Variants in LIN54 observed in about 807,000 individuals in gnomAD.
LIN54 encodes the protein lin-54 DREAM MuvB core complex component, also known as protein lin-54 homolog.
Under a neutral mutation model 78.7 loss-of-function variants are expected in LIN54, and 9 were observed. The observed-to-expected ratio is 0.11, with a 90% CI of 0.07 to 0.20. The LOEUF (loss-of-function observed/expected upper bound fraction) is 0.20. LIN54 is among the 10% of genes least tolerant of loss of function. LIN54 has a pLI of 1.00. For missense variants in LIN54, 573 were observed against 889.9 expected, an observed-to-expected ratio of 0.64 and a Z score of 4.53; for synonymous variants, 269 against 318.4, an observed-to-expected ratio of 0.84 and a Z score of 1.65.
In LIN54 at chr4:82,985,683, G is replaced by T. The variant is rs192132684; in HGVS notation, c.-32-807C>A. ...AGCCTCCTGAGTAGCTGGAATTACAGGCGCCTGCCACCAAGCCGGGCTAAT... is the reference window on the plus strand; with the variant it reads ...AGCCTCCTGAGTAGCTGGAATTACATGCGCCTGCCACCAAGCCGGGCTAAT... On this transcript the variant is annotated intron_variant, in intron 1 of 12. Transcript: ENST00000340417. Among the ~76,000 whole-genome samples the T allele has an allele frequency of 6.9e-3, 1,054 of 152,324 alleles. 20 individuals are homozygous for T. The highest frequency in any genetic ancestry group is 0.024 in the African/African-American group (1,010 of 41,562).
chr4:82,979,870 A>T (rs1283305697), intron 2 of LIN54, among the ~76,000 whole-genome samples: 2 of 138,326 alleles, frequency 1.4e-5, no homozygotes, highest in Non-Finnish European at 3.1e-5. Flanking sequence ...CCGGGAGCAG[A>T]GGTTGCAGGG....
intron 12 of LIN54, among the ~76,000 whole-genome samples, chr4:82,929,926 T>C (rs1483762303): frequency 7.2e-5 from 11 of 152,194 alleles, no homozygotes; most frequent in Non-Finnish European, 1.0e-4. Context: ...GAGACGGAGT[T>C]TGCTCTTGTT....
At chr4:82,946,121 C>T in intron 5 of LIN54, 137 bp downstream of exon 5, 1 of 705,758 alleles carries the variant, frequency 1.4e-6, no homozygotes. Flanking sequence ...CATTCTATTT[C>T]ACTGCCTTCT....
At chr4:83,006,188 G>A (rs1307998703) in intron 1 of LIN54, among the ~76,000 whole-genome samples, 1 of 152,130 alleles carries the variant, frequency 6.6e-6, no homozygotes, top group African/African-American at 2.4e-5. Context: ...AGTGGCTCAC[G>A]CCTGTAATCC....
At chr4:82,989,107 G>C (rs1391470164) in intron 1 of LIN54, among the ~76,000 whole-genome samples, 2 of 151,846 alleles carry the variant, frequency 1.3e-5, no homozygotes, top group Non-Finnish European at 2.9e-5. Flanking sequence ...AAAATGGCGT[G>C]AACCCGGGAG....
At chr4:82,931,387 C>T (rs1721941262) in intron 11 of LIN54, among the ~76,000 whole-genome samples, 1 of 152,168 alleles carries the variant, frequency 6.6e-6, no homozygotes, top group Admixed American at 6.5e-5. Context: ...TTTTCCCCCA[C>T]TATGAATATA....
chr4:82,933,346 C>T (rs1722121883), intron 11 of LIN54, among the ~76,000 whole-genome samples: 2 of 150,072 alleles, frequency 1.3e-5, no homozygotes, highest in African/African-American at 2.5e-5. Context: ...ATTACAATGA[C>T]ATTTAGCTTG....
At chr4:82,998,257 A>C (rs1728409507) in intron 1 of LIN54, among the ~76,000 whole-genome samples, 3 of 151,074 alleles carry the variant, frequency 2.0e-5, no homozygotes, top group South Asian at 4.2e-4. Context: ...AAAAATAAAT[A>C]ATCTGGGACA....
At chr4:82,933,737 A>G (rs1722158279) in intron 11 of LIN54, among the ~76,000 whole-genome samples, 1 of 152,240 alleles carries the variant, frequency 6.6e-6, no homozygotes, top group South Asian at 2.1e-4. Flanking sequence ...TCATTAGAAT[A>G]GGTAGGGTAG....
chr4:82,975,700 G>A (rs1331372203), intron 3 of LIN54, among the ~76,000 whole-genome samples: 9 of 149,124 alleles, frequency 6.0e-5, no homozygotes, highest in Middle Eastern at 3.4e-3. Context: ...CAAAAAGAGC[G>A]AAAACTCCAT....
chr4:83,002,836 G>A (rs1407509049), intron 1 of LIN54, among the ~76,000 whole-genome samples: 1 of 152,106 alleles, frequency 6.6e-6, no homozygotes, highest in East Asian at 1.9e-4. Flanking sequence ...AAGGCTTCTG[G>A]TCAACAATAG....
chr4:82,928,852 C>A (rs1721704721), intron 12 of LIN54, among the ~76,000 whole-genome samples: 1 of 152,182 alleles, frequency 6.6e-6, no homozygotes, highest in Admixed American at 6.5e-5. Flanking sequence ...TCTAGCACAA[C>A]AAAACAAAAT....
intron 5 of LIN54, among the ~76,000 whole-genome samples, chr4:82,944,176 T>C (rs1038688619): frequency 6.6e-6 from 1 of 152,108 alleles, no homozygotes; most frequent in Non-Finnish European, 1.5e-5. Flanking sequence ...CAGCCAATAC[T>C]CTATTTTGAA....
At chr4:82,954,564 C>T (rs986205426) in intron 4 of LIN54, among the ~76,000 whole-genome samples, 4 of 152,074 alleles carry the variant, frequency 2.6e-5, no homozygotes, top group African/African-American at 7.2e-5. Flanking sequence ...AGTACAGGTG[C>T]GTACCACCAT....
chr4:82,999,950 T>C (rs1474594184), intron 1 of LIN54, among the ~76,000 whole-genome samples: 1 of 152,008 alleles, frequency 6.6e-6, no homozygotes, highest in Non-Finnish European at 1.5e-5. Context: ...TGGAGTGCAG[T>C]AGCATAATCA....
At chr4:82,932,519 A>T (rs1205778402) in intron 11 of LIN54, among the ~76,000 whole-genome samples, 2 of 151,024 alleles carry the variant, frequency 1.3e-5, no homozygotes, top group African/African-American at 4.9e-5. Flanking sequence ...GAATATTATA[A>T]TTCCTTTTAA....
chr4:82,950,186 T>C (rs1215378838), intron 4 of LIN54, among the ~76,000 whole-genome samples: 1 of 152,120 alleles, frequency 6.6e-6, no homozygotes, highest in Non-Finnish European at 1.5e-5. Flanking sequence ...ATTTCACCAG[T>C]TTTCATGCAC....
At chr4:82,931,706 C>CGAA (rs1721968802) in intron 11 of LIN54, among the ~76,000 whole-genome samples, 1 of 152,118 alleles carries the variant, frequency 6.6e-6, no homozygotes, top group Non-Finnish European at 1.5e-5. Context: ...TATATATTTT[C>CGAA]ATGTAAAAAT....
intron 5 of LIN54, among the ~76,000 whole-genome samples, chr4:82,940,681 G>A (rs1722780713): frequency 1.3e-5 from 2 of 152,334 alleles, no homozygotes; most frequent in African/African-American, 2.4e-5. Context: ...GATTATAGGC[G>A]TAAGCCACTG....
Sources: allele counts gnomAD v4.1 joint callset (sites outside exome capture counted in the v4.1 genomes callset), GRCh38; gene constraint gnomAD v4.1.1; transcripts MANE v1.5; gene names NCBI Gene and HGNC (gene_info 2026-07-23, HGNC 2026-07-21).